Variants in CNPY1 observed in about 807,000 individuals in gnomAD.
CNPY1 encodes the protein protein canopy homolog 1.
A neutral mutation model predicts 14.4 loss-of-function variants in CNPY1; 14 were observed. That is an observed-to-expected ratio of 0.97 (90% CI 0.64 to 1.52). The LOEUF (loss-of-function observed/expected upper bound fraction) is 1.52. Ranked by LOEUF, CNPY1 falls within the 40% of genes most tolerant of loss-of-function variation. CNPY1 has a pLI of 0.00. For missense variants in CNPY1, 129 were observed against 131.5 expected (o/e 0.98, Z 0.09); for synonymous variants, 43 against 46.5 (o/e 0.92, Z 0.31).
chr7:155,521,333 G>A (rs933897702), intron 2 of CNPY1, among the ~76,000 whole-genome samples: 1 of 152,216 alleles, frequency 6.6e-6, no homozygotes, highest in African/African-American at 2.4e-5. Flanking sequence ...GAAGGACCAG[G>A]TTTCTTTACA....
At chr7:155,514,067 G>A (rs770352988) in intron 2 of CNPY1, among the ~76,000 whole-genome samples, 2 of 152,204 alleles carry the variant, frequency 1.3e-5, no homozygotes, top group Non-Finnish European at 2.9e-5. Context: ...ACCGCTCAGA[G>A]GGCTCCTACT....
intron 2 of CNPY1, among the ~76,000 whole-genome samples, chr7:155,509,827 G>C (rs750756432): frequency 1.3e-5 from 2 of 152,230 alleles, no homozygotes; most frequent in Non-Finnish European, 2.9e-5. Context: ...CGAGGATTCA[G>C]CTGGACCCTT....
In CNPY1 at chr7:155,546,497, A is replaced by G. The variant is rs949384501; in HGVS notation, c.-83T>C. 5.1e-6 allele frequency: 2 copies of G among 388,428 alleles called. No individual in the cohort carries two copies. The highest frequency in any genetic ancestry group is 4.4e-5 in the African/African-American group (2 of 45,278). The allele number at this position is 388,428 out of a possible 1,614,324, so 24.1% of individuals were successfully genotyped here. On this transcript the variant is annotated 5_prime_UTR_variant, in exon 1 of 5. It removes the in-frame stop codon of an upstream open reading frame in the 5' UTR. Transcript: ENST00000636446. Reference sequence around the variant, plus strand: ...GTGCAGCCTTCAAATGTGCTTTCCTATTTATTCATTTATTTATTTTTTGAG... The same window carrying G: ...GTGCAGCCTTCAAATGTGCTTTCCTGTTTATTCATTTATTTATTTTTTGAG...
At chr7:155,540,671 A>G (rs374381325) in intron 2 of CNPY1, among the ~76,000 whole-genome samples, 55 of 152,354 alleles carry the variant, frequency 3.6e-4, no homozygotes, top group African/African-American at 1.2e-3. Context: ...ATCATTTACA[A>G]TTCCCTCGGT....
At chr7:155,528,381 T>G (rs58665150) in intron 2 of CNPY1, among the ~76,000 whole-genome samples, 6,923 of 152,264 alleles carry the variant, frequency 0.045, 195 homozygotes, top group Middle Eastern at 0.078. Context: ...TGTGTTCACA[T>G]AGCTCTGACA....
chr7:155,524,878 A>G (rs771217541), intron 2 of CNPY1, among the ~76,000 whole-genome samples: 42 of 145,520 alleles, frequency 2.9e-4, no homozygotes, highest in Middle Eastern at 7.1e-3. Flanking sequence ...CTGAGGGAAG[A>G]CTCATAAAGG....
At chr7:155,541,006 C>T (rs998320801) in intron 2 of CNPY1, among the ~76,000 whole-genome samples, 10 of 152,180 alleles carry the variant, frequency 6.6e-5, no homozygotes, top group Non-Finnish European at 1.2e-4. Context: ...GGGAAATAAC[C>T]GCAGTGCTGA....
At chr7:155,519,871 A>G (rs1413907010) in intron 2 of CNPY1, among the ~76,000 whole-genome samples, 3 of 152,162 alleles carry the variant, frequency 2.0e-5, no homozygotes, top group Non-Finnish European at 4.4e-5. Flanking sequence ...GTGGTATTAC[A>G]CAGCCTCCAT....
Position 155,528,786 on chromosome 7 carries a change from C to T in CNPY1, c.99+17045G>A, listed in dbSNP as rs141251969. 1.1e-3 allele frequency among the ~76,000 whole-genome samples: 167 copies of T among 152,244 alleles called. 1 individual carries two copies. The highest frequency in any genetic ancestry group is 3.5e-3 in the African/African-American group (144 of 41,526). Reference sequence around the variant, plus strand: ...TAAGAAAAAACAACTTTGGGCTGGGCGCGGTGGCTCACACCTGTAATCCCA... The same window carrying T: ...TAAGAAAAAACAACTTTGGGCTGGGTGCGGTGGCTCACACCTGTAATCCCA... On this transcript the variant is annotated intron_variant, in intron 2 of 4. Coordinates refer to ENST00000636446, the MANE Select transcript of CNPY1 (RefSeq NM_001393663.1).
intron 2 of CNPY1, chr7:155,510,504 G>A (rs905074770): frequency 3.3e-5 from 5 of 152,174 alleles, no homozygotes; most frequent in Non-Finnish European, 5.9e-5. Context: ...TCTCCCCCAC[G>A]ACTCGGCTGG....
rs538074578 is a variant in CNPY1, at chr7:155,543,804, G to C, written c.99+2027C>G. Among the ~76,000 whole-genome samples, 9 of 152,366 alleles carry C rather than the reference G, an allele frequency of 5.9e-5. No individual in the cohort carries two copies. The South Asian group carries it at 1.7e-3, about 28-fold the overall frequency. On this transcript the variant is annotated intron_variant, in intron 2 of 4. Transcript: ENST00000636446. ...ATGCTGGCCTGGGCTACTTCTGGCT[G>C]AGCAGGAGCCCTGGGCAGAAAGATC...
At chr7:155,544,899 C>T (rs1269878688) in intron 2 of CNPY1, among the ~76,000 whole-genome samples, 1 of 152,208 alleles carries the variant, frequency 6.6e-6, no homozygotes, top group African/African-American at 2.4e-5. Context: ...AAATTCCTCC[C>T]TCATTCATAA....
intron 2 of CNPY1, among the ~76,000 whole-genome samples, chr7:155,535,027 G>A (rs1177728722): frequency 6.6e-6 from 1 of 152,208 alleles, no homozygotes; most frequent in African/African-American, 2.4e-5. Context: ...TGACCTGGCT[G>A]ATGTGAGAGC....
At chr7:155,532,902 C>T (rs925144533) in intron 2 of CNPY1, among the ~76,000 whole-genome samples, 15 of 152,066 alleles carry the variant, frequency 9.9e-5, no homozygotes, top group Admixed American at 2.0e-4. Flanking sequence ...GGAACCATGA[C>T]GGATAAAGTT....
At chr7:155,538,666 G>A (rs576138321) in intron 2 of CNPY1, among the ~76,000 whole-genome samples, 1 of 152,198 alleles carries the variant, frequency 6.6e-6, no homozygotes, top group Non-Finnish European at 1.5e-5. Flanking sequence ...AGATATGAGG[G>A]GGAGTTCTGG....
At chr7:155,545,967 T>C in intron 1 of CNPY1, 24 bp from the exon 2 acceptor site, 1 of 398,250 alleles carries the variant, frequency 2.5e-6, no homozygotes, top group Non-Finnish European at 4.4e-6. Flanking sequence ...AAAACAGCTG[T>C]GATCAGAGGA....
chr7:155,526,040 T>C (rs973368182), intron 2 of CNPY1, among the ~76,000 whole-genome samples: 5 of 152,198 alleles, frequency 3.3e-5, no homozygotes, highest in African/African-American at 9.6e-5. Context: ...AAAAATGTAA[T>C]TAAGGATAGA....
At chr7:155,506,308 G>T (rs568117163) in intron 4 of CNPY1, among the ~76,000 whole-genome samples, 1 of 152,266 alleles carries the variant, frequency 6.6e-6, no homozygotes, top group South Asian at 2.1e-4. Context: ...TCTTATAAAT[G>T]TATTAAACAA....
At chr7:155,509,236 G>C in intron 2 of CNPY1, 139 bp from the exon 3 acceptor site, 1 of 551,830 alleles carries the variant, frequency 1.8e-6, no homozygotes, top group South Asian at 2.7e-5. Context: ...CCCAGAAGAC[G>C]GTACCGCAGA....
Sources: allele counts gnomAD v4.1 joint callset (sites outside exome capture counted in the v4.1 genomes callset), GRCh38; gene constraint gnomAD v4.1.1; transcripts MANE v1.5; gene names NCBI Gene and HGNC (gene_info 2026-07-23, HGNC 2026-07-21).